The following TMEM132D variants were observed in gnomAD, a reference collection of about 807,000 sequenced individuals.
TMEM132D encodes the protein mature OL transmembrane protein.
Under a neutral mutation model 62.3 loss-of-function variants are expected in TMEM132D, and 21 were observed. The ratio of observed to expected loss-of-function variants is 0.34; its 90% CI spans 0.24 to 0.49. The LOEUF is 0.49. Ranked by LOEUF, TMEM132D falls within the 20% of genes least tolerant of loss-of-function variation. The probability of loss-of-function intolerance (pLI) is 0.99; values close to 1 mark genes in which losing one functional copy is unlikely to be tolerated. For missense variants in TMEM132D, 1,346 were observed against 1,402.8 expected, an observed-to-expected ratio of 0.96 and a Z score of 0.65; for synonymous variants, 621 against 575.6, an observed-to-expected ratio of 1.08 and a Z score of -1.13.
rs192566171 is a variant in TMEM132D, at chr12:129,508,848, G to A, written c.1115+22211C>T. Among the ~76,000 whole-genome samples, 272 of 152,208 alleles carry A rather than the reference G, an allele frequency of 1.8e-3. 1 individual carries two copies. Among genetic ancestry groups the A allele is most frequent in the Middle Eastern group, 3.4e-3 (1 of 294 alleles). On this transcript the variant is annotated intron_variant, in intron 3 of 8. Coordinates refer to ENST00000422113, the MANE Select transcript of TMEM132D (RefSeq NM_133448.3). ...ATTGCAGTGTGATTTCTCCTACGTA[G>A]GGAACTGGACTCCATTCCCACTGAT...
intron 3 of TMEM132D, among the ~76,000 whole-genome samples, chr12:129,511,256 T>C (rs1239943845): frequency 1.3e-5 from 2 of 152,338 alleles, no homozygotes; most frequent in East Asian, 3.9e-4. Flanking sequence ...TTCCCTTCTA[T>C]AGAATTTCAC....
intron 3 of TMEM132D, among the ~76,000 whole-genome samples, chr12:129,340,491 T>C (rs1869438151): frequency 6.6e-6 from 1 of 151,150 alleles, no homozygotes; most frequent in South Asian, 2.1e-4. Flanking sequence ...CGGTGTGTGA[T>C]GTTCCCCTTC....
At chr12:129,514,542 A>G (rs1445793306) in intron 3 of TMEM132D, among the ~76,000 whole-genome samples, 3 of 152,218 alleles carry the variant, frequency 2.0e-5, no homozygotes, top group Admixed American at 6.5e-5. Context: ...ATCTCTGATC[A>G]TGCTAACCTC....
At chr12:129,806,445 A>AGTTT (rs1871983749) in intron 1 of TMEM132D, among the ~76,000 whole-genome samples, 1 of 133,906 alleles carries the variant, frequency 7.5e-6, no homozygotes, top group Non-Finnish European at 1.6e-5. Flanking sequence ...TCGCAAGAAC[A>AGTTT]AAAAACCAAA....
intron 3 of TMEM132D, among the ~76,000 whole-genome samples, chr12:129,442,950 A>G (rs1179999848): frequency 6.6e-6 from 1 of 152,106 alleles, no homozygotes; most frequent in East Asian, 1.9e-4. Flanking sequence ...AGCTGAAGAC[A>G]GCATACCTCG....
At chr12:129,432,624 T>C (rs1566066992) in intron 3 of TMEM132D, among the ~76,000 whole-genome samples, 2 of 152,330 alleles carry the variant, frequency 1.3e-5, no homozygotes, top group South Asian at 2.1e-4. Context: ...AAGTAATATA[T>C]ACCAAGAGTA....
chr12:129,594,457 G>A (rs1878280730), intron 2 of TMEM132D, among the ~76,000 whole-genome samples: 3 of 152,122 alleles, frequency 2.0e-5, no homozygotes, highest in Non-Finnish European at 2.9e-5. Flanking sequence ...AGTTGCTTTT[G>A]GTTTCTATGA....
intron 3 of TMEM132D, among the ~76,000 whole-genome samples, chr12:129,394,430 A>G (rs889706237): frequency 1.3e-5 from 2 of 152,204 alleles, no homozygotes; most frequent in Non-Finnish European, 2.9e-5. Context: ...GTTGGCTCGA[A>G]AATGACAGTA....
rs141605203 is a variant in TMEM132D, at chr12:129,700,165, G to C, written c.613C>G (p.Pro205Ala). The C allele has an allele frequency of 2.7e-5, 43 of 1,612,864 alleles. No individual in the cohort carries two copies. Among genetic ancestry groups the C allele is most frequent in the East Asian group, 1.8e-4 (8 of 44,862 alleles). The change falls in exon 2 of 9, where the codon CCC becomes GCC. Residue 205 changes from proline to alanine, a missense_variant. Coordinates refer to ENST00000422113, the MANE Select transcript of TMEM132D (RefSeq NM_133448.3). ...CTCCTCCCGGCAACCACCGTGGGGG[G>C]GCTGAACCAGCTGGACAGGAGCTCC... is the stretch of plus-strand genomic sequence containing the variant. ...ELELLSSWFS[P>A]PTVVAGRRKS... is the part of the protein sequence containing the mutation.
At chr12:129,782,735 G>A (rs1157599501) in intron 1 of TMEM132D, among the ~76,000 whole-genome samples, 2 of 152,206 alleles carry the variant, frequency 1.3e-5, no homozygotes, top group Admixed American at 6.5e-5. Context: ...TCACACAGGT[G>A]TATTCCTGAT....
At chr12:129,233,580 T>A (rs528229571) in intron 4 of TMEM132D, among the ~76,000 whole-genome samples, 1 of 152,296 alleles carries the variant, frequency 6.6e-6, no homozygotes, top group Non-Finnish European at 1.5e-5. Flanking sequence ...TAGCTTGAAA[T>A]CACAAACTGA....
intron 3 of TMEM132D, among the ~76,000 whole-genome samples, chr12:129,418,936 A>C (rs1213020761): frequency 6.6e-6 from 1 of 152,086 alleles, no homozygotes; most frequent in East Asian, 1.9e-4. Context: ...AATCAAGTGA[A>C]GCAACGACAG....
chr12:129,662,626 C>T (rs1186622552), intron 2 of TMEM132D, among the ~76,000 whole-genome samples: 1 of 152,168 alleles, frequency 6.6e-6, no homozygotes, highest in African/African-American at 2.4e-5. Flanking sequence ...AACCCCATCT[C>T]TACTGATAAT....
intron 1 of TMEM132D, among the ~76,000 whole-genome samples, chr12:129,805,516 C>G (rs936640392): frequency 1.3e-5 from 2 of 152,128 alleles, no homozygotes; most frequent in Admixed American, 6.5e-5. Context: ...TGGATCCCTT[C>G]CTTACATCTT....
intron 3 of TMEM132D, among the ~76,000 whole-genome samples, chr12:129,446,084 GCA>G (rs1873089919): frequency 6.6e-6 from 1 of 152,154 alleles, no homozygotes; most frequent in Non-Finnish European, 1.5e-5. Flanking sequence ...GCTGTTGAGG[GCA>G]AGTGCAAAAG....
At chr12:129,292,038 A>G (rs1448729268) in intron 4 of TMEM132D, among the ~76,000 whole-genome samples, 1 of 152,128 alleles carries the variant, frequency 6.6e-6, no homozygotes, top group Non-Finnish European at 1.5e-5. Flanking sequence ...TGGAAGGGAG[A>G]AAGTATCATG....
At chr12:129,135,052 A>G (rs1876518229) in intron 5 of TMEM132D, among the ~76,000 whole-genome samples, 1 of 152,104 alleles carries the variant, frequency 6.6e-6, no homozygotes, top group Non-Finnish European at 1.5e-5. Flanking sequence ...AATCAATGGA[A>G]TTGCGTGTGG....
intron 1 of TMEM132D, among the ~76,000 whole-genome samples, chr12:129,718,761 G>C (rs1039616011): frequency 6.6e-6 from 1 of 152,100 alleles, no homozygotes; most frequent in Non-Finnish European, 1.5e-5. Context: ...TGTAGCTTGG[G>C]CAAATCATTT....
chr12:129,761,397 A>G (rs1392088004), intron 1 of TMEM132D, among the ~76,000 whole-genome samples: 1 of 152,164 alleles, frequency 6.6e-6, no homozygotes, highest in Non-Finnish European at 1.5e-5. Context: ...CTGGAACTGC[A>G]GAGAAGTCAC....
Sources: gnomAD v4.1 joint callset for allele counts (sites outside exome capture counted in the v4.1 genomes callset) on GRCh38, gnomAD v4.1.1 for gene constraint, MANE v1.5 for transcripts, NCBI Gene and HGNC (gene_info 2026-07-23, HGNC 2026-07-21) for gene names.